Variants in WWOX observed in about 807,000 individuals in gnomAD.
WWOX encodes the protein WW domain containing oxidoreductase.
WWOX carries 69 observed loss-of-function variants against 46.2 expected under a neutral mutation model. The observed-to-expected ratio is 1.49, with a 90% confidence interval of 1.23 to 1.82. The LOEUF is 1.82. Among genes scored for constraint, WWOX ranks in the 40% most tolerant of loss-of-function variants. WWOX has a pLI of 0.00. For synonymous variants in WWOX, 359 were observed against 202.6 expected, an observed-to-expected ratio of 1.77 and a Z score of -6.56; for missense variants, 919 against 542.6, an observed-to-expected ratio of 1.69 and a Z score of -6.89.
intron 8 of WWOX, among the ~76,000 whole-genome samples, chr16:79,096,464 C>T (rs1229587580): frequency 6.6e-6 from 1 of 152,072 alleles, no homozygotes. Flanking sequence ...GGAATGAGAC[C>T]CATGCCCCTC....
intron 8 of WWOX, among the ~76,000 whole-genome samples, chr16:79,181,156 A>T (rs1020070756): frequency 5.3e-5 from 8 of 152,224 alleles, no homozygotes; most frequent in Non-Finnish European, 1.0e-4. Flanking sequence ...CATGCAGATT[A>T]TACATGCACT....
At chr16:78,547,449 T>G (rs112204388) in intron 8 of WWOX, among the ~76,000 whole-genome samples, 1 of 152,182 alleles carries the variant, frequency 6.6e-6, no homozygotes, top group Non-Finnish European at 1.5e-5. Context: ...GAAGTGTGAT[T>G]GCTGGCATTT....
intron 4 of WWOX, among the ~76,000 whole-genome samples, chr16:78,121,437 CTG>C (rs2033087134): frequency 6.6e-6 from 1 of 152,052 alleles, no homozygotes; most frequent in Non-Finnish European, 1.5e-5. Context: ...CCATTTTACA[CTG>C]AGATATTATT....
At chr16:78,715,767 G>C (rs761055693) in intron 8 of WWOX, among the ~76,000 whole-genome samples, 1 of 152,118 alleles carries the variant, frequency 6.6e-6, no homozygotes, top group Non-Finnish European at 1.5e-5. Context: ...ATGAGCCACC[G>C]TGCCCAGCCG....
intron 8 of WWOX, among the ~76,000 whole-genome samples, chr16:79,053,336 C>T (rs995120633): frequency 6.6e-6 from 1 of 152,100 alleles, no homozygotes; most frequent in African/African-American, 2.4e-5. Context: ...AATGTGATTC[C>T]TGCATCCCAG....
chr16:78,182,447 T>G (rs2035559530), intron 5 of WWOX, among the ~76,000 whole-genome samples: 1 of 151,974 alleles, frequency 6.6e-6, no homozygotes, highest in Admixed American at 6.6e-5. Context: ...TGTCCTCTGC[T>G]TGGAAGGGTC....
chr16:78,505,674 C>G (rs1438031484), intron 8 of WWOX, among the ~76,000 whole-genome samples: 1 of 151,988 alleles, frequency 6.6e-6, no homozygotes, highest in Admixed American at 6.5e-5. Flanking sequence ...TAGCAACACC[C>G]TCATTCCCAG....
intron 8 of WWOX, among the ~76,000 whole-genome samples, chr16:78,746,181 A>G (rs1366558516): frequency 2.0e-5 from 3 of 152,206 alleles, no homozygotes; most frequent in African/African-American, 7.2e-5. Flanking sequence ...CAGGGTCAGC[A>G]GAAAGCTGAC....
intron 8 of WWOX, among the ~76,000 whole-genome samples, chr16:78,822,455 G>C (rs772514990): frequency 1.3e-5 from 2 of 150,196 alleles, no homozygotes; most frequent in Non-Finnish European, 3.0e-5. Context: ...GACTGCGCCA[G>C]TGTACTCCAG....
At chr16:78,166,397 T>C (rs552064378) in intron 5 of WWOX, among the ~76,000 whole-genome samples, 2 of 152,214 alleles carry the variant, frequency 1.3e-5, no homozygotes, top group African/African-American at 4.8e-5. Flanking sequence ...TCATCTGATA[T>C]TGGGCCTAAA....
At chr16:78,862,296 C>G (rs1255075173) in intron 8 of WWOX, among the ~76,000 whole-genome samples, 1 of 151,200 alleles carries the variant, frequency 6.6e-6, no homozygotes, top group Non-Finnish European at 1.5e-5. Context: ...CTTTCTGTAT[C>G]TATACACACC....
chr16:78,969,648 A>G (rs1475036997), intron 8 of WWOX, among the ~76,000 whole-genome samples: 2 of 152,216 alleles, frequency 1.3e-5, no homozygotes, highest in Admixed American at 6.5e-5. Flanking sequence ...GTTTATGAAC[A>G]AGGGAGTTTC....
chr16:78,370,354 G>C (rs1041986100), intron 5 of WWOX, among the ~76,000 whole-genome samples: 1 of 152,076 alleles, frequency 6.6e-6, no homozygotes, highest in Non-Finnish European at 1.5e-5. Context: ...GCAGAGTTCA[G>C]TACATAGTAA....
At chr16:79,023,806 A>C (rs2151387980) in intron 8 of WWOX, among the ~76,000 whole-genome samples, 1 of 150,516 alleles carries the variant, frequency 6.6e-6, no homozygotes, top group Middle Eastern at 3.4e-3. Context: ...AAAAAAAAAA[A>C]TTAGCCAGAC....
chr16:78,427,710 T>G (rs1161017814), intron 7 of WWOX, among the ~76,000 whole-genome samples: 2 of 152,176 alleles, frequency 1.3e-5, no homozygotes, highest in African/African-American at 2.4e-5. Context: ...CCCAGGAGTT[T>G]GAGGTTGCGG....
chr16:79,113,948 C>T (rs942017484), intron 8 of WWOX, among the ~76,000 whole-genome samples: 12 of 152,158 alleles, frequency 7.9e-5, no homozygotes, highest in African/African-American at 2.7e-4. Flanking sequence ...AAGGCCCAGC[C>T]ACAACGTGTT....
chr16:78,618,776 G>A (rs2046093666), intron 8 of WWOX, among the ~76,000 whole-genome samples: 1 of 151,854 alleles, frequency 6.6e-6, no homozygotes, highest in South Asian at 2.1e-4. Flanking sequence ...AGACCTGAGA[G>A]GAGGAGAAGG....
At chr16:79,056,469 G>T (rs1282076433) in intron 8 of WWOX, among the ~76,000 whole-genome samples, 1 of 152,138 alleles carries the variant, frequency 6.6e-6, no homozygotes, top group African/African-American at 2.4e-5. Flanking sequence ...GGGTTGCCTG[G>T]GACAAAGGCA....
intron 5 of WWOX, among the ~76,000 whole-genome samples, chr16:78,213,725 C>G (rs997874012): frequency 6.6e-6 from 1 of 152,004 alleles, no homozygotes; most frequent in Non-Finnish European, 1.5e-5. Context: ...ATGACAAATA[C>G]CAGGGAGATG....
Sources: gnomAD v4.1 joint callset for allele counts (sites outside exome capture counted in the v4.1 genomes callset) on GRCh38, gnomAD v4.1.1 for gene constraint, MANE v1.5 for transcripts, NCBI Gene and HGNC (gene_info 2026-07-23, HGNC 2026-07-21) for gene names.